ARHGEF1: variants seen among roughly 807,000 people sequenced by gnomAD.
ARHGEF1 encodes Rho guanine nucleotide exchange factor 1.
In ARHGEF1, 40 loss-of-function variants were observed where a neutral mutation model predicts 119.7. That is an observed-to-expected ratio of 0.33 (90% CI 0.26 to 0.44). The LOEUF is 0.44. Among genes scored for constraint, ARHGEF1 ranks in the 20% least tolerant of loss-of-function variants. ARHGEF1 has a pLI of 1.00. For synonymous variants in ARHGEF1, 494 were observed against 521.0 expected (o/e 0.95, Z 0.71); for missense variants, 976 against 1,268.3 (o/e 0.77, Z 3.50).
Position 41,902,639 on chromosome 19 carries a change from G to A in ARHGEF1, c.1604G>A (p.Arg535Gln), listed in dbSNP as rs1555849283. ...AAAGCCAAGCAACGCAAGGACCCTC[G>A]GTTCTGTGCCTTCGTGCAGGTGAGG... Reference protein sequence around the residue: ...QLKAKQRKDPRFCAFVQEAES... With the variant: ...QLKAKQRKDPQFCAFVQEAES... The change falls in exon 17 of 29, where the codon CGG (arginine) becomes CAG (glutamine). Residue 535 changes from arginine (R) to glutamine (Q), a missense_variant. Coordinates refer to ENST00000354532, the MANE Select transcript of ARHGEF1 (RefSeq NM_004706.4). The surrounding 1 kb of genome is among the most constrained non-coding windows in gnomAD (Gnocchi z 6.5). The A allele has an allele frequency of 9.3e-6, 15 of 1,614,074 alleles. No individual in the cohort carries two copies. The highest frequency in any genetic ancestry group is 2.2e-5 in the South Asian group (2 of 91,088).
Position 41,888,926 on chromosome 19 carries a change from C to A in ARHGEF1, c.225+61C>A. ...GGGCTGGGACAGGCACAGCTTTTAG[C>A]GAATTAAACCAGCGAGCTAGTGCCT... On this transcript the variant is annotated intron_variant, in intron 4 of 28. Transcript: ENST00000354532. This position sits in a 1 kb window ranked among gnomAD's most constrained non-coding sequence, Gnocchi z 5.1. 7.0e-7 allele frequency: 1 copy of A among 1,423,134 alleles called. No individual in the cohort carries two copies. Among genetic ancestry groups the A allele is most frequent in the Non-Finnish European group, 9.7e-7 (1 of 1,032,208 alleles). The allele number at this position is 1,423,134 out of a possible 1,614,324, so 88.2% of individuals were successfully genotyped here.
rs146058052 is a variant in ARHGEF1 at position 41,905,255 on chromosome 19, C to G, written c.2330C>G (p.Pro777Arg). Reference protein sequence around the residue: ...PASRPKPRPSPSSTREPLLSS... With the variant: ...PASRPKPRPSRSSTREPLLSS... ...TCTCGCCCTAAGCCCCGGCCCAGCC[C>G]GAGCAGGTGAGGGGGGCCATGGAGA... Residue 777 changes from proline to arginine, a missense_variant, in exon 24 of 29, where the codon CCG becomes CGG. Physicochemically the swap from Pro to Arg is moderately radical, Grantham distance 103. Coordinates refer to ENST00000354532, the MANE Select transcript of ARHGEF1 (RefSeq NM_004706.4). This position sits in a 1 kb window ranked among gnomAD's most constrained non-coding sequence, Gnocchi z 6.4. 1.2e-6 allele frequency: 2 copies of G among 1,613,020 alleles called. No homozygotes were observed. Among genetic ancestry groups the G allele is most frequent in the South Asian group, 1.1e-5 (1 of 90,966 alleles).
intron 13 of ARHGEF1, chr19:41,897,513 T>C (rs538884422): frequency 3.9e-6 from 1 of 257,978 alleles, no homozygotes; most frequent in Admixed American, 5.7e-5. Flanking sequence ...TCTGTTGCCA[T>C]CCCCCTGCCT....
intron 1 of ARHGEF1, among the ~76,000 whole-genome samples, chr19:41,885,188 C>T (rs2074275102): frequency 6.6e-6 from 1 of 152,084 alleles, no homozygotes; most frequent in Non-Finnish European, 1.5e-5. Context: ...ACCTATAATT[C>T]TCCAGCCTTT....
At chr19:41,921,546 G>A (rs782047416), upstream of ARHGEF1, among the ~76,000 whole-genome samples, 51 of 148,122 alleles carry the variant, frequency 3.4e-4, no homozygotes, top group African/African-American at 1.0e-3. This position sits in a 1 kb window ranked among gnomAD's most constrained non-coding sequence, Gnocchi z 4.4. Flanking sequence ...GGGGAAACAC[G>A]GCAGAAGGAG....
upstream of ARHGEF1, among the ~76,000 whole-genome samples, chr19:41,920,649 G>A (rs936274203): frequency 3.9e-5 from 6 of 152,242 alleles, no homozygotes; most frequent in African/African-American, 4.8e-5. Context: ...CCAGGAGCAC[G>A]CATGTCTACA....
rs2074715453 is a variant in ARHGEF1, at chr19:41,907,140, C to CGTGA, written c.*55_*58dup. On this transcript the variant is annotated 3_prime_UTR_variant, in exon 29 of 29. Coordinates refer to ENST00000354532, the MANE Select transcript of ARHGEF1 (RefSeq NM_004706.4). The stretch of plus-strand genomic sequence containing the variant: ...AGAAGGAGAGGAATGGGGGAGAGGA[C>CGTGA]GTGAGGGACCACCCCCACCCACACA... 6.5e-7 allele frequency: 1 copy of CGTGA among 1,531,334 alleles called. No homozygotes were observed. Among genetic ancestry groups the CGTGA allele is most frequent in the Non-Finnish European group, 8.7e-7 (1 of 1,144,792 alleles). 94.9% of individuals were successfully genotyped at this position (1,531,334 alleles called of 1,614,324 possible).
In ARHGEF1 at chr19:41,892,937, G is replaced by A; in HGVS notation, c.614+88G>A. 2 of 1,424,780 alleles carry A rather than the reference G, an allele frequency of 1.4e-6. No individual in the cohort carries two copies. Among genetic ancestry groups the A allele is most frequent in the African/African-American group, 2.9e-5 (2 of 69,626 alleles). 88.3% of individuals were successfully genotyped at this position (1,424,780 alleles called of 1,614,324 possible). On this transcript the variant is annotated intron_variant, in intron 7 of 28. Transcript: ENST00000354532. This position sits in a 1 kb window ranked among gnomAD's most constrained non-coding sequence, Gnocchi z 6.3. ...TCTGGCATGTTCCATCCCGTTTGCA[G>A]GTTCCCTCTTCAGGGTCAGAGTTCA...
chr19:41,922,773 C>G (rs565930829), upstream of ARHGEF1, among the ~76,000 whole-genome samples: 9 of 152,296 alleles, frequency 5.9e-5, no homozygotes, highest in Admixed American at 5.2e-4. Context: ...AGGCGCGGTG[C>G]TAATTCAGCG....
intron 18 of ARHGEF1, among the ~76,000 whole-genome samples, chr19:41,915,830 C>T (rs1357919608): frequency 4.6e-5 from 7 of 152,150 alleles, no homozygotes; most frequent in East Asian, 1.9e-4. Context: ...GCCTGCGGGG[C>T]CTGGGGCTGC....
chr19:41,903,525 C>A lies in ARHGEF1; in HGVS notation c.1839+118C>A. On this transcript the variant is annotated intron_variant, in intron 19 of 28. Transcript: ENST00000354532. The surrounding 1 kb of genome is among the most constrained non-coding windows in gnomAD (Gnocchi z 4.2). ...CCCTTGGCTTGTCTCCCTCAAGGGT[C>A]ACTGTGTCCAGGGGTTGGCTTGGCC... is the stretch of plus-strand genomic sequence containing the variant. 9.6e-7 allele frequency: 1 copy of A among 1,045,346 alleles called. No individual in the cohort carries two copies. The highest frequency in any genetic ancestry group is 1.4e-5 in the South Asian group (1 of 70,328). The allele number at this position is 1,045,346 out of a possible 1,614,324, so 64.8% of individuals were successfully genotyped here.
chr19:41,904,512 G>A lies in ARHGEF1; in HGVS notation c.2161+129G>A. ...TTCTAGCAAAGAGGTTGAGAAGTAG[G>A]TGGAGGTGGGCAGGGCGGGGCCAGG... is the stretch of plus-strand genomic sequence containing the variant. On this transcript the variant is annotated intron_variant, in intron 22 of 28. Transcript: ENST00000354532. This position sits in a 1 kb window ranked among gnomAD's most constrained non-coding sequence, Gnocchi z 8.4. 1 of 1,181,032 alleles carries A rather than the reference G, an allele frequency of 8.5e-7. No individual in the cohort carries two copies. The highest frequency in any genetic ancestry group is 1.2e-6 in the Non-Finnish European group (1 of 864,812). The allele number at this position is 1,181,032 out of a possible 1,614,324, so 73.2% of individuals were successfully genotyped here.
At chr19:41,918,366 CCA>C (rs1224239322), upstream of ARHGEF1, among the ~76,000 whole-genome samples, 1 of 150,398 alleles carries the variant, frequency 6.6e-6, no homozygotes, top group Non-Finnish European at 1.5e-5. Flanking sequence ...ACACACCATA[CCA>C]CACACACCAC....
At position 41,916,405 on chromosome 19, in the gene ARHGEF1, A is replaced by G. The variant is rs1231387855; in HGVS notation, c.1866-6687A>G. Among the ~76,000 whole-genome samples the G allele has an allele frequency of 3.9e-5, 6 of 152,148 alleles. No homozygotes were observed. The highest frequency in any genetic ancestry group is 1.4e-4 in the African/African-American group (6 of 41,426). On this transcript the variant is annotated intron_variant, in intron 18 of 20. Coordinates refer to the ARHGEF1 transcript ENST00000599589. The surrounding 1 kb of genome is among the most constrained non-coding windows in gnomAD (Gnocchi z 5.4). ...CATGTGTCAGTAAAGTCACACACCA[A>G]CACTGTCACAGTCACACACACACAC... is the stretch of plus-strand genomic sequence containing the variant.
intron 1 of ARHGEF1, chr19:41,928,012 C>T (rs1368252888): frequency 6.6e-6 from 1 of 152,334 alleles, no homozygotes; most frequent in African/African-American, 2.4e-5. Context: ...CCCTCCCCGC[C>T]CCTGCGCCGG....
chr19:41,920,132 C>T (rs1249097162), upstream of ARHGEF1, among the ~76,000 whole-genome samples: 7 of 111,740 alleles, frequency 6.3e-5, 1 homozygote, highest in East Asian at 5.1e-4. Context: ...CTCACACATG[C>T]GCTCACAGAC....
At chr19:41,921,999 C>T (rs926674240), upstream of ARHGEF1, among the ~76,000 whole-genome samples, 2 of 151,300 alleles carry the variant, frequency 1.3e-5, no homozygotes, top group Non-Finnish European at 2.9e-5. This position sits in a 1 kb window ranked among gnomAD's most constrained non-coding sequence, Gnocchi z 4.4. Context: ...TTCATTCTAC[C>T]TCCACCCCCA....
chr19:41,883,668 G>A lies in ARHGEF1; in HGVS notation c.-20+379G>A, dbSNP rs1176060690. Among the ~76,000 whole-genome samples, 2 of 152,178 alleles carry A rather than the reference G, an allele frequency of 1.3e-5. No individual in the cohort carries two copies. Among genetic ancestry groups the A allele is most frequent in the South Asian group, 2.1e-4 (1 of 4,832 alleles). ...GTGGAGTTGGGATTTGAACTCGCAC[G>A]TGCTTTCCGCAAAGCGCCATCCTCC... On this transcript the variant is annotated intron_variant, in intron 1 of 28. Coordinates refer to ENST00000354532, the MANE Select transcript of ARHGEF1 (RefSeq NM_004706.4). The surrounding 1 kb of genome is among the most constrained non-coding windows in gnomAD (Gnocchi z 7.6).
intron 1 of ARHGEF1, among the ~76,000 whole-genome samples, chr19:41,927,028 T>G (rs2074875782): frequency 1.3e-5 from 2 of 151,276 alleles, no homozygotes; most frequent in Admixed American, 6.6e-5. Context: ...CAGGGAGAGA[T>G]AAGCACAGAG....
Sources: gnomAD v4.1 joint callset for allele counts (sites outside exome capture counted in the v4.1 genomes callset) on GRCh38, gnomAD v4.1.1 for gene constraint, Gnocchi (gnomAD v3.1) non-coding constraint, MANE v1.5 for transcripts, NCBI Gene and HGNC (gene_info 2026-07-23, HGNC 2026-07-21) for gene names.